TAB2: variants seen among roughly 807,000 people sequenced by gnomAD.
TAB2 encodes the protein TGF-beta activated kinase 1 (MAP3K7) binding protein 2, also known as TGF-beta-activated kinase 1 and MAP3K7-binding protein 2.
A neutral mutation model predicts 65.0 loss-of-function variants in TAB2; 3 were observed. That is an observed-to-expected ratio of 0.05 (90% CI 0.02 to 0.12). The LOEUF (loss-of-function observed/expected upper bound fraction) is 0.12, where lower values mean the gene tolerates loss of function less well. Ranked by LOEUF, TAB2 falls within the 10% of genes least tolerant of loss-of-function variation. The pLI, the probability that TAB2 is intolerant of heterozygous loss-of-function variation, is 1.00. For missense variants in TAB2, 623 were observed against 840.3 expected, an observed-to-expected ratio of 0.74 and a Z score of 3.20; for synonymous variants, 298 against 285.1, an observed-to-expected ratio of 1.05 and a Z score of -0.46.
At chr6:149,230,799 T>C (rs1012278604) in intron 1 of TAB2, among the ~76,000 whole-genome samples, 3 of 152,234 alleles carry the variant, frequency 2.0e-5, no homozygotes, top group African/African-American at 7.2e-5. Context: ...TTCTAGCTAT[T>C]GGACCCCGCT....
At chr6:149,351,987 C>G (rs1780508452) in intron 1 of TAB2, among the ~76,000 whole-genome samples, 1 of 152,110 alleles carries the variant, frequency 6.6e-6, no homozygotes, top group South Asian at 2.1e-4. Flanking sequence ...TTCTTCTCTT[C>G]AGGAAAGTTT....
chr6:149,277,438 T>C (rs1027867109), intron 1 of TAB2, among the ~76,000 whole-genome samples: 1 of 151,486 alleles, frequency 6.6e-6, no homozygotes, highest in African/African-American at 2.4e-5. Context: ...AGATGCAGAG[T>C]AGTAGACATA....
intron 1 of TAB2, among the ~76,000 whole-genome samples, chr6:149,253,964 AAGAAAG>A (rs570594243): frequency 0.019 from 1,588 of 82,968 alleles, 19 homozygotes; most frequent in Admixed American, 0.063. Flanking sequence ...AAGAAAAAGA[AAGAAAG>A]AAAGAAAGAA....
intron 1 of TAB2, among the ~76,000 whole-genome samples, chr6:149,249,001 A>G (rs1777799233): frequency 1.3e-5 from 2 of 152,086 alleles, no homozygotes; most frequent in African/African-American, 2.4e-5. Context: ...CAGAGGAGTG[A>G]TGGTGGACAC....
chr6:149,296,201 G>A (rs1037302388), intron 1 of TAB2, among the ~76,000 whole-genome samples: 2 of 152,330 alleles, frequency 1.3e-5, no homozygotes, highest in East Asian at 1.9e-4. Context: ...GTCAGAGGCA[G>A]TTCAAACTGA....
rs150699204 is a variant in TAB2 at position 149,379,295 on chromosome 6, G to A, written c.1380G>A (p.Thr460=). The A allele has an allele frequency of 3.8e-4, 617 of 1,614,006 alleles. 2 individuals are homozygous for A. Among genetic ancestry groups the A allele is most frequent in the South Asian group, 9.8e-4 (89 of 91,080 alleles). The change falls in exon 3 of 7, where the codon ACG becomes ACA. Residue 460 remains threonine (T), a synonymous_variant. Transcript: ENST00000637181. ...SPRVVVTQPN[T]KYTFKITVSP... is the part of the protein sequence containing the mutation. ...GAGTGGTAGTCACTCAGCCCAATACGAAATACACTTTCAAAATTACAGTCT... is the reference window on the plus strand; with the variant it reads ...GAGTGGTAGTCACTCAGCCCAATACAAAATACACTTTCAAAATTACAGTCT...
rs1206091215 is a variant in TAB2 at position 149,410,753 on chromosome 6, A to G, written c.*1034A>G. The stretch of plus-strand genomic sequence containing the variant: ...GTCTTCCACAGGGAAGCTTAAAACA[A>G]AAGATATTTTTAACCCACTGACAGA... On this transcript the variant is annotated 3_prime_UTR_variant, in exon 7 of 7. Transcript: ENST00000637181. 1 of 152,640 alleles carries G rather than the reference A, an allele frequency of 6.6e-6. No homozygotes were observed. The highest frequency in any genetic ancestry group is 2.4e-5 in the African/African-American group (1 of 41,468). The allele number at this position is 152,640 out of a possible 1,614,324, so 9.5% of individuals were successfully genotyped here.
chr6:149,388,323 A>G (rs540370256), intron 3 of TAB2, among the ~76,000 whole-genome samples: 49 of 152,342 alleles, frequency 3.2e-4, no homozygotes, highest in Admixed American at 4.6e-4. Flanking sequence ...AGCTAAAACA[A>G]AGCACACAGC....
At chr6:149,339,811 C>T (rs1158743786) in intron 1 of TAB2, among the ~76,000 whole-genome samples, 1 of 151,964 alleles carries the variant, frequency 6.6e-6, no homozygotes, top group Non-Finnish European at 1.5e-5. Context: ...GTTGGCCAAG[C>T]TGGTCTCAAA....
rs573217380 is a variant in TAB2, at chr6:149,237,956, C to T, written c.-121+19180C>T. ...GAAGCTTTCTACCTGCTCCCCAGCC[C>T]CACAGTGTGTGCACCCCACACTCAG... On this transcript the variant is annotated intron_variant, in intron 1 of 1. Coordinates refer to the TAB2 transcript ENST00000606202. 1.5e-4 allele frequency among the ~76,000 whole-genome samples: 23 copies of T among 152,298 alleles called. No homozygotes were observed. The South Asian group carries it at 4.4e-3, about 29-fold the overall frequency.
At chr6:149,307,765 A>C (rs779301801) in intron 1 of TAB2, among the ~76,000 whole-genome samples, 3 of 152,196 alleles carry the variant, frequency 2.0e-5, no homozygotes, top group Non-Finnish European at 4.4e-5. Flanking sequence ...ATTTTGAATA[A>C]TTTTATTTTG....
upstream of TAB2, among the ~76,000 whole-genome samples, chr6:149,315,554 G>A (rs1779234102): frequency 6.6e-6 from 1 of 152,108 alleles, no homozygotes; most frequent in Non-Finnish European, 1.5e-5. Context: ...TTAATCTACA[G>A]CCCATATTCC....
intron 6 of TAB2, among the ~76,000 whole-genome samples, chr6:149,403,349 C>CATATATATACATATATATAT (rs1562456640): frequency 1.1e-5 from 1 of 89,356 alleles, no homozygotes; most frequent in South Asian, 4.1e-4. Context: ...TACACACACA[C>CATATATATACATATATATAT]ACACACACAC....
chr6:149,264,492 A>T (rs959341774), intron 1 of TAB2, among the ~76,000 whole-genome samples: 8 of 152,012 alleles, frequency 5.3e-5, no homozygotes, highest in Non-Finnish European at 8.8e-5. Flanking sequence ...TTTTGGTAAA[A>T]ATTGCTGGGG....
At position 149,228,775 on chromosome 6, in the gene TAB2, A is replaced by G. The variant is rs146277182; in HGVS notation, c.-121+9999A>G. 1.7e-3 allele frequency among the ~76,000 whole-genome samples: 259 copies of G among 152,334 alleles called. 1 individual carries two copies. The Middle Eastern group carries it at 0.024, about 14-fold the overall frequency. The stretch of plus-strand genomic sequence containing the variant: ...GTGTTCGGTTTAAGAGTCCCAATGT[A>G]CCAATTCAATCACATGGGCCTGTAA... On this transcript the variant is annotated intron_variant, in intron 1 of 1. Transcript: ENST00000606202.
At chr6:149,228,302 G>A (rs1047129911) in intron 1 of TAB2, among the ~76,000 whole-genome samples, 1 of 152,168 alleles carries the variant, frequency 6.6e-6, no homozygotes, top group Non-Finnish European at 1.5e-5. Flanking sequence ...GCGGCTAAGT[G>A]TTCTGGCCCC....
At chr6:149,254,335 T>C (rs181708474) in intron 1 of TAB2, among the ~76,000 whole-genome samples, 1 of 152,278 alleles carries the variant, frequency 6.6e-6, no homozygotes, top group African/African-American at 2.4e-5. Context: ...GACCAGCCAC[T>C]GGGTTTTCAT....
chr6:149,303,768 C>G (rs942495153), intron 1 of TAB2, among the ~76,000 whole-genome samples: 2 of 152,196 alleles, frequency 1.3e-5, no homozygotes, highest in African/African-American at 4.8e-5. Context: ...TTTACTTCTT[C>G]ACTGAAATAT....
chr6:149,380,103 G>A (rs1781560163), intron 3 of TAB2: 3 of 346,750 alleles, frequency 8.7e-6, no homozygotes, highest in South Asian at 6.7e-5. Flanking sequence ...ATGCAGGCAT[G>A]GTGGCACACA....
Sources: allele counts gnomAD v4.1 joint callset (sites outside exome capture counted in the v4.1 genomes callset), GRCh38; gene constraint gnomAD v4.1.1; transcripts MANE v1.5; gene names NCBI Gene and HGNC (gene_info 2026-07-23, HGNC 2026-07-21).